PKP4: variants seen among roughly 807,000 people sequenced by gnomAD.
PKP4 encodes plakophilin-4.
In PKP4, 90 loss-of-function variants were observed where a neutral mutation model predicts 145.1. That is an observed-to-expected ratio of 0.62 (90% confidence interval 0.52 to 0.74). PKP4 has a LOEUF of 0.74. Ranked by LOEUF, PKP4 falls within the 30% of genes least tolerant of loss-of-function variation. The pLI is 0.00. For synonymous variants in PKP4, 563 were observed against 577.2 expected (o/e 0.98, Z 0.35); for missense variants, 1,340 against 1,482.7 (o/e 0.90, Z 1.58).
chr2:158,544,244 A>C (rs1205286403), intron 2 of PKP4, among the ~76,000 whole-genome samples: 2 of 152,176 alleles, frequency 1.3e-5, no homozygotes, highest in Non-Finnish European at 2.9e-5. Context: ...GGATAAGAGC[A>C]ATTAGTTGAC....
In PKP4 at chr2:158,486,575, C is replaced by T. The variant is rs72932914; in HGVS notation, c.-6+29357C>T. 5.9e-3 allele frequency among the ~76,000 whole-genome samples: 902 copies of T among 152,276 alleles called. 9 individuals are homozygous for T. The highest frequency in any genetic ancestry group is 7.3e-3 in the Non-Finnish European group (494 of 68,010). ...TGGAAGGTAATGTGTGGTGGTGAGG[C>T]AAGGGGTGTTGAGAACACAGTGACC... On this transcript the variant is annotated intron_variant, in intron 1 of 21. Transcript: ENST00000389759.
At chr2:158,603,250 A>C (rs2050374011) in intron 4 of PKP4, 146 bp downstream of exon 4, 1 of 431,114 alleles carries the variant, frequency 2.3e-6, no homozygotes, top group South Asian at 5.7e-5. Flanking sequence ...AATAGTACTT[A>C]ATATGCTTAA....
chr2:158,566,479 A>AATATATATATATAT (rs561964313), intron 2 of PKP4, among the ~76,000 whole-genome samples: 1 of 151,154 alleles, frequency 6.6e-6, no homozygotes. Flanking sequence ...ATAATTTTGA[A>AATATATATATATAT]ATATATATAT....
chr2:158,557,994 G>A (rs1559321781), intron 2 of PKP4, among the ~76,000 whole-genome samples: 2 of 152,274 alleles, frequency 1.3e-5, no homozygotes, highest in Non-Finnish European at 2.9e-5. Flanking sequence ...CAAAGTTGTC[G>A]ATATGAGATC....
chr2:158,598,994 G>A (rs796746496), intron 3 of PKP4, among the ~76,000 whole-genome samples: 98 of 152,278 alleles, frequency 6.4e-4, no homozygotes, highest in African/African-American at 2.2e-3. Flanking sequence ...ACTGCAAGCA[G>A]TTAGAAATGC....
chr2:158,569,837 G>C (rs1006292389), intron 2 of PKP4, among the ~76,000 whole-genome samples: 3 of 152,162 alleles, frequency 2.0e-5, no homozygotes, highest in Admixed American at 1.3e-4. Flanking sequence ...TGGTAGGGTT[G>C]CTGTGACTCT....
intron 3 of PKP4, among the ~76,000 whole-genome samples, chr2:158,579,377 AGG>A (rs774946960): frequency 7.2e-5 from 11 of 151,806 alleles, no homozygotes; most frequent in Non-Finnish European, 1.0e-4. Flanking sequence ...TGTATTGAAG[AGG>A]GTAGGAAGGA....
chr2:158,640,105 G>A (rs975083724), intron 9 of PKP4, among the ~76,000 whole-genome samples: 3 of 152,172 alleles, frequency 2.0e-5, no homozygotes, highest in African/African-American at 7.2e-5. Flanking sequence ...TCAAATACTT[G>A]TTTATAGTTT....
At chr2:158,522,952 A>G (rs561222125) in intron 1 of PKP4, among the ~76,000 whole-genome samples, 181 of 152,290 alleles carry the variant, frequency 1.2e-3, no homozygotes, top group Non-Finnish European at 1.2e-3. Flanking sequence ...CCACCAGACT[A>G]TATCCCACAC....
intron 2 of PKP4, among the ~76,000 whole-genome samples, chr2:158,574,144 A>T (rs2047645179): frequency 6.6e-6 from 1 of 152,272 alleles, no homozygotes; most frequent in African/African-American, 2.4e-5. Context: ...AAAGCTTTGT[A>T]ACACAGGTGA....
At chr2:158,654,234 A>G (rs2055683483) in intron 11 of PKP4, among the ~76,000 whole-genome samples, 1 of 152,224 alleles carries the variant, frequency 6.6e-6, no homozygotes, top group African/African-American at 2.4e-5. Flanking sequence ...AGAGGATAAT[A>G]TAACACACAA....
At chr2:158,651,187 C>T (rs2055329865) in intron 11 of PKP4, among the ~76,000 whole-genome samples, 1 of 152,184 alleles carries the variant, frequency 6.6e-6, no homozygotes, top group Non-Finnish European at 1.5e-5. Context: ...TGTTAGAAAG[C>T]TTGGGCAATT....
intron 1 of PKP4, among the ~76,000 whole-genome samples, chr2:158,503,417 C>T (rs1696872424): frequency 1.3e-5 from 2 of 152,208 alleles, no homozygotes; most frequent in African/African-American, 4.8e-5. Flanking sequence ...GCTAAGGAAA[C>T]TTGCTACTCA....
At chr2:158,517,850 A>T (rs1315301365) in intron 1 of PKP4, among the ~76,000 whole-genome samples, 1 of 152,082 alleles carries the variant, frequency 6.6e-6, no homozygotes, top group Non-Finnish European at 1.5e-5. Context: ...TGAGAGGTCA[A>T]GGCTGCAATG....
At chr2:158,609,096 CATGAG>C (rs1476161125) in intron 4 of PKP4, among the ~76,000 whole-genome samples, 7 of 152,066 alleles carry the variant, frequency 4.6e-5, no homozygotes, top group Non-Finnish European at 8.8e-5. Flanking sequence ...GGATTACAGG[CATGAG>C]CCACTGCACT....
Position 158,603,053 on chromosome 2 carries a change from T to TC in PKP4, c.246-16dup. The TC allele has an allele frequency of 6.9e-7, 1 of 1,452,228 alleles. No individual in the cohort carries two copies. The highest frequency in any genetic ancestry group is 9.4e-7 in the Non-Finnish European group (1 of 1,067,846). 90.0% of individuals were successfully genotyped at this position (1,452,228 alleles called of 1,614,324 possible). A position where few individuals can be genotyped will look rare whatever the true frequency, so the allele number is the denominator to read the frequency against. ...AAAATAAATAAATGTTCCATTTTTT[T>TC]CTTTCTTTTTCTTTAGCTCAACTGA... On this transcript the variant is annotated splice_polypyrimidine_tract_variant and intron_variant, in intron 3 of 21. Coordinates refer to ENST00000389759, the MANE Select transcript of PKP4 (RefSeq NM_003628.6).
At chr2:158,469,240 C>T (rs141642850) in intron 1 of PKP4, among the ~76,000 whole-genome samples, 2,196 of 152,094 alleles carry the variant, frequency 0.014, 65 homozygotes, top group African/African-American at 0.05. Context: ...CAGGTGCACA[C>T]CACCATGCCC....
intron 3 of PKP4, among the ~76,000 whole-genome samples, chr2:158,591,073 A>T (rs1016927301): frequency 3.9e-5 from 6 of 152,130 alleles, no homozygotes; most frequent in African/African-American, 1.4e-4. Flanking sequence ...TACTGTACTG[A>T]TACATTCATT....
At chr2:158,596,635 A>AG (rs2049772501) in intron 3 of PKP4, among the ~76,000 whole-genome samples, 1 of 151,840 alleles carries the variant, frequency 6.6e-6, no homozygotes, top group African/African-American at 2.4e-5. Context: ...TTTAAAAAAA[A>AG]AAAAAGAAAA....
Sources: gnomAD v4.1 joint callset for allele counts (sites outside exome capture counted in the v4.1 genomes callset) on GRCh38, gnomAD v4.1.1 for gene constraint, MANE v1.5 for transcripts, NCBI Gene and HGNC (gene_info 2026-07-23, HGNC 2026-07-21) for gene names.